RASA3: variants seen among roughly 807,000 people sequenced by gnomAD.
The protein encoded by RASA3 is RAS p21 protein activator 3.
A neutral mutation model predicts 110.0 loss-of-function variants in RASA3; 73 were observed. The ratio of observed to expected loss-of-function variants is 0.66; its 90% CI spans 0.55 to 0.81. RASA3 has a LOEUF of 0.81. RASA3 is among the 30% of genes least tolerant of loss of function. The probability of loss-of-function intolerance (pLI) is 0.00; values close to 1 mark genes in which losing one functional copy is unlikely to be tolerated. For missense variants in RASA3, 976 were observed against 1,113.2 expected, an observed-to-expected ratio of 0.88 and a Z score of 1.75; for synonymous variants, 500 against 451.4, an observed-to-expected ratio of 1.11 and a Z score of -1.37.
chr13:113,989,584 T>G (rs1361399279), intron 22 of RASA3, among the ~76,000 whole-genome samples: 1 of 143,732 alleles, frequency 7.0e-6, no homozygotes, highest in Non-Finnish European at 1.5e-5. Flanking sequence ...TATCCACCCA[T>G]CACTCACCCC....
At chr13:113,991,331 T>C (rs1011184302) in intron 22 of RASA3, among the ~76,000 whole-genome samples, 4 of 152,160 alleles carry the variant, frequency 2.6e-5, no homozygotes, top group Non-Finnish European at 5.9e-5. Context: ...GACTCATGTG[T>C]TTCCAGGCCA....
intron 3 of RASA3, among the ~76,000 whole-genome samples, chr13:114,042,669 C>T (rs541980571): frequency 1.3e-5 from 2 of 152,366 alleles, no homozygotes; most frequent in South Asian, 2.1e-4. Context: ...GCAGCCCAGC[C>T]CCGGTTCTCT....
intron 1 of RASA3, among the ~76,000 whole-genome samples, chr13:114,082,364 T>C (rs1015806890): frequency 1.3e-5 from 2 of 152,238 alleles, no homozygotes; most frequent in African/African-American, 4.8e-5. Context: ...CGGCTGCACC[T>C]TGGGAGCAGG....
chr13:114,014,365 G>A lies in RASA3; in HGVS notation c.1405+844C>T, dbSNP rs944353469. ...CAGAACCCTGGGCCCCTCGGCCGGC[G>A]CTGTCTGACTGTCTGATGTCCTGAG... On this transcript the variant is annotated intron_variant, in intron 14 of 23. Transcript: ENST00000334062. The surrounding 1 kb of genome is among the most constrained non-coding windows in gnomAD (Gnocchi z 4.5). Among the ~76,000 whole-genome samples, 3 of 152,102 alleles carry A rather than the reference G, an allele frequency of 2.0e-5. No homozygotes were observed. Among genetic ancestry groups the A allele is most frequent in the African/African-American group, 4.8e-5 (2 of 41,406 alleles).
At chr13:114,077,997 A>C in intron 1 of RASA3, 3 of 984,342 alleles carry the variant, frequency 3.0e-6, no homozygotes, top group Non-Finnish European at 3.6e-6. Flanking sequence ...AAACAGAAAA[A>C]AAAAAAAAAA....
chr13:114,041,179 C>T (rs1031889847), intron 3 of RASA3, 85 bp from the exon 4 acceptor site: 48 of 1,149,014 alleles, frequency 4.2e-5, no homozygotes, highest in South Asian at 2.3e-4. Context: ...CCATCATCAC[C>T]GCAGCTTATT....
chr13:113,997,398 G>A (rs909273078), intron 20 of RASA3, among the ~76,000 whole-genome samples: 5 of 152,302 alleles, frequency 3.3e-5, no homozygotes, highest in African/African-American at 7.2e-5. Context: ...ACGAGGGCAG[G>A]TGTCAGCAGA....
chr13:114,040,795 C>T (rs9590533), intron 4 of RASA3, among the ~76,000 whole-genome samples: 2,917 of 149,956 alleles, frequency 0.019, 123 homozygotes, highest in African/African-American at 0.069. Flanking sequence ...CGAGCACAAG[C>T]AGGCGAACAC....
chr13:114,034,747 G>A (rs746064594), intron 4 of RASA3, among the ~76,000 whole-genome samples: 2 of 152,228 alleles, frequency 1.3e-5, no homozygotes, highest in East Asian at 1.9e-4. Context: ...ATCAGAGAAC[G>A]CAAGACAAAT....
In RASA3 at chr13:114,080,809, T is replaced by G. The variant is rs2079773102; in HGVS notation, c.56-6972A>C. Among the ~76,000 whole-genome samples the G allele has an allele frequency of 3.0e-5, 4 of 133,972 alleles. No homozygotes were observed. The Admixed American group carries it at 3.5e-4, about 12-fold the overall frequency. 87.9% of individuals were successfully genotyped at this position (133,972 alleles called of 152,430 possible). On this transcript the variant is annotated intron_variant, in intron 1 of 23. Coordinates refer to ENST00000334062, the MANE Select transcript of RASA3 (RefSeq NM_007368.4). ...GCAGGGTGTCTTCTGTTCAGTGTCCTGCTGCACACGGTGCCCCAGGGCACA... is the reference window on the plus strand; with the variant it reads ...GCAGGGTGTCTTCTGTTCAGTGTCCGGCTGCACACGGTGCCCCAGGGCACA...
chr13:114,117,395 G>A (rs1169746001), intron 1 of RASA3, among the ~76,000 whole-genome samples: 18 of 149,282 alleles, frequency 1.2e-4, no homozygotes, highest in African/African-American at 4.5e-4. Context: ...CGTGTGTGAG[G>A]GGAGCACGTC....
At chr13:114,010,375 G>A (rs979371703) in intron 16 of RASA3, among the ~76,000 whole-genome samples, 4 of 152,008 alleles carry the variant, frequency 2.6e-5, no homozygotes, top group African/African-American at 9.7e-5. Context: ...CCTGGCCCCT[G>A]CAGAGACAGC....
In RASA3 at chr13:114,018,902, C is replaced by T. The variant is rs375901680; in HGVS notation, c.803G>A (p.Arg268Gln). The change falls in exon 10 of 24, where the codon CGG (arginine) becomes CAG (glutamine). Residue 268 changes from arginine (R) to glutamine (Q), a missense_variant. Around this residue, in one of 4 missense-constraint regions of RASA3, gnomAD observed 732 missense variants for 779.7 expected, o/e 0.94. Coordinates refer to ENST00000334062, the MANE Select transcript of RASA3 (RefSeq NM_007368.4). The stretch of plus-strand genomic sequence containing the variant: ...CTTTAGGCTCTTGCTACCATTGTCC[C>T]GGGGCTGGAGGAAGTACCTGGGTGG... ...SYEAWYFLQP[R>Q]DNGSKSLKPD... 1.9e-6 allele frequency: 3 copies of T among 1,613,770 alleles called. No individual in the cohort carries two copies. Among genetic ancestry groups the T allele is most frequent in the South Asian group, 1.1e-5 (1 of 91,076 alleles).
intron 4 of RASA3, among the ~76,000 whole-genome samples, chr13:114,040,071 A>G (rs1341959236): frequency 6.6e-6 from 1 of 152,216 alleles, no homozygotes. Context: ...CTTGGGCCTC[A>G]ATGACGCGTG....
intron 16 of RASA3, among the ~76,000 whole-genome samples, chr13:114,010,701 T>A: frequency 2.1e-3 from 2 of 934 alleles, no homozygotes; most frequent in Non-Finnish European, 3.5e-3. Context: ...GGGGGCTGCA[T>A]GGGGAGGTAG....
chr13:114,109,895 G>A (rs2080193600), intron 1 of RASA3, among the ~76,000 whole-genome samples: 1 of 152,222 alleles, frequency 6.6e-6, no homozygotes, highest in South Asian at 2.1e-4. Flanking sequence ...TGGGAATCGA[G>A]GCAGCCCCCA....
At chr13:114,100,395 C>T (rs962718175) in intron 1 of RASA3, among the ~76,000 whole-genome samples, 4 of 152,200 alleles carry the variant, frequency 2.6e-5, no homozygotes, top group African/African-American at 9.6e-5. Flanking sequence ...ACCCAGGAGC[C>T]GCCCGCCTGC....
chr13:114,017,963 A>G (rs2053830121), intron 11 of RASA3, 141 bp downstream of exon 11: 5 of 1,049,228 alleles, frequency 4.8e-6, no homozygotes, highest in Non-Finnish European at 6.5e-6. Flanking sequence ...GGTCTGTGAA[A>G]GAAAACCTGA....
At chr13:114,040,963 A>G (rs2139465196) in intron 4 of RASA3, 37 bp downstream of exon 4, 1 of 1,601,336 alleles carries the variant, frequency 6.2e-7, no homozygotes, top group Non-Finnish European at 8.5e-7. Flanking sequence ...ATGGTGTCCC[A>G]GGGCTCTGGT....
Sources: gnomAD v4.1 joint callset for allele counts (sites outside exome capture counted in the v4.1 genomes callset) on GRCh38, gnomAD v4.1.1 for gene constraint, gnomAD v4.1.1 regional missense constraint, Gnocchi (gnomAD v3.1) non-coding constraint, MANE v1.5 for transcripts, NCBI Gene and HGNC (gene_info 2026-07-23, HGNC 2026-07-21) for gene names.